SIPA1L1: variants seen among roughly 807,000 people sequenced by gnomAD.
The protein encoded by SIPA1L1 is signal induced proliferation associated 1 like 1, also known as signal-induced proliferation-associated 1-like protein 1.
SIPA1L1 carries 26 observed loss-of-function variants against 162.7 expected under a neutral mutation model. The ratio of observed to expected loss-of-function variants is 0.16; its 90% CI spans 0.12 to 0.22. SIPA1L1 has a LOEUF of 0.22. SIPA1L1 is among the 10% of genes least tolerant of loss of function. The pLI is 1.00. For synonymous variants in SIPA1L1, 829 were observed against 837.4 expected (o/e 0.99, Z 0.17); for missense variants, 1,874 against 2,241.0 (o/e 0.84, Z 3.31).
intron 17 of SIPA1L1, among the ~76,000 whole-genome samples, chr14:71,718,658 A>G (rs1411482342): frequency 6.6e-6 from 1 of 152,194 alleles, no homozygotes; most frequent in Non-Finnish European, 1.5e-5. Flanking sequence ...TCAAAAGCAA[A>G]AACAAAAATT....
chr14:71,500,195 G>A (rs1665613862), intron 2 of SIPA1L1, among the ~76,000 whole-genome samples: 2 of 151,952 alleles, frequency 1.3e-5, no homozygotes, highest in Non-Finnish European at 1.5e-5. Flanking sequence ...GAGCAAAAAG[G>A]CAAGTTACAG....
At chr14:71,403,121 A>G (rs1465437893) in intron 2 of SIPA1L1, among the ~76,000 whole-genome samples, 2 of 152,260 alleles carry the variant, frequency 1.3e-5, no homozygotes, top group East Asian at 1.9e-4. Flanking sequence ...ATCTGTCTCC[A>G]TTCTTCTTAA....
At chr14:71,566,244 G>A (rs1336143231) in intron 4 of SIPA1L1, among the ~76,000 whole-genome samples, 1 of 152,208 alleles carries the variant, frequency 6.6e-6, no homozygotes. Context: ...CAGAAGATAT[G>A]TAATGGCCTT....
intron 2 of SIPA1L1, among the ~76,000 whole-genome samples, chr14:71,462,295 G>A (rs2046662776): frequency 6.6e-6 from 1 of 152,192 alleles, no homozygotes; most frequent in Non-Finnish European, 1.5e-5. Context: ...GGGGCCTGCT[G>A]AGGGCTCCAA....
At chr14:71,402,142 G>A (rs540489165) in intron 2 of SIPA1L1, among the ~76,000 whole-genome samples, 1 of 151,892 alleles carries the variant, frequency 6.6e-6, no homozygotes, top group Non-Finnish European at 1.5e-5. Flanking sequence ...AAAAAAATAT[G>A]GCTAATAATT....
At chr14:71,591,023 A>G (rs1301142217) in intron 5 of SIPA1L1, among the ~76,000 whole-genome samples, 2 of 152,110 alleles carry the variant, frequency 1.3e-5, no homozygotes, top group African/African-American at 4.8e-5. Flanking sequence ...TACCTGTGCA[A>G]ATTTTCTGCA....
At chr14:71,672,888 T>G (rs1022215618) in intron 12 of SIPA1L1, among the ~76,000 whole-genome samples, 1 of 152,168 alleles carries the variant, frequency 6.6e-6, no homozygotes, top group African/African-American at 2.4e-5. Context: ...GATAGAGAAG[T>G]CTGGTAATAT....
chr14:71,591,086 G>A (rs2035326599), intron 5 of SIPA1L1, among the ~76,000 whole-genome samples: 2 of 152,078 alleles, frequency 1.3e-5, no homozygotes, highest in Admixed American at 1.3e-4. Flanking sequence ...ACCCAAAACT[G>A]ACACTGAAAC....
intron 3 of SIPA1L1, among the ~76,000 whole-genome samples, chr14:71,526,528 A>G (rs1437154602): frequency 6.6e-6 from 1 of 152,194 alleles, no homozygotes; most frequent in Non-Finnish European, 1.5e-5. Context: ...TGGTTCATTT[A>G]TATTCATTGC....
chr14:71,617,633 T>C (rs541897885), intron 5 of SIPA1L1, among the ~76,000 whole-genome samples: 28 of 152,372 alleles, frequency 1.8e-4, no homozygotes, highest in Admixed American at 5.2e-4. Flanking sequence ...TGATTCGATA[T>C]TTATGCTATT....
At chr14:71,635,053 G>A (rs1464973477) in intron 7 of SIPA1L1, among the ~76,000 whole-genome samples, 4 of 152,116 alleles carry the variant, frequency 2.6e-5, no homozygotes, top group Admixed American at 2.6e-4. Context: ...CGAGGCGGGT[G>A]GGTCACCTGA....
At chr14:71,455,720 T>A (rs952288033) in intron 2 of SIPA1L1, among the ~76,000 whole-genome samples, 4 of 152,140 alleles carry the variant, frequency 2.6e-5, no homozygotes, top group Admixed American at 6.5e-5. Flanking sequence ...TAAGGGTAAA[T>A]TGGTTTCTAC....
Position 71,588,657 on chromosome 14 carries a change from T to C in SIPA1L1, c.785T>C (p.Ile262Thr), listed in dbSNP as rs2034892876. ...GKGSGFSLDV[I>T]DGPISQRENL... Reference sequence around the variant, plus strand: ...GGTTCTGGTTTCTCTTTGGATGTAATAGACGGGCCTATCTCACAGAGAGAG... The same window carrying C: ...GGTTCTGGTTTCTCTTTGGATGTAACAGACGGGCCTATCTCACAGAGAGAG... Residue 262 changes from isoleucine (I) to threonine (T), a missense_variant, in exon 5 of 24, where the codon ATA (isoleucine) becomes ACA (threonine). Around this residue, in one of 5 missense-constraint regions of SIPA1L1, gnomAD observed 685 missense variants for 828.0 expected, o/e 0.83. Coordinates refer to ENST00000381232, the MANE Select transcript of SIPA1L1 (RefSeq NM_001386936.1). The surrounding 1 kb of genome is among the most constrained non-coding windows in gnomAD (Gnocchi z 4.3). 2 of 1,613,992 alleles carry C rather than the reference T, an allele frequency of 1.2e-6. No individual in the cohort carries two copies. The highest frequency in any genetic ancestry group is 8.5e-7 in the Non-Finnish European group (1 of 1,179,954).
At chr14:71,598,212 A>G in intron 5 of SIPA1L1, 1 of 985,450 alleles carries the variant, frequency 1.0e-6, no homozygotes, top group Non-Finnish European at 1.2e-6. Context: ...ACAAAACGCC[A>G]TCACAGAGAC....
At chr14:71,476,660 T>TATTTATTC (rs1276424441) in intron 2 of SIPA1L1, among the ~76,000 whole-genome samples, 1 of 105,750 alleles carries the variant, frequency 9.5e-6, no homozygotes, top group Admixed American at 9.5e-5. Context: ...TTTATTTATT[T>TATTTATTC]ATTTATTTAT....
At chr14:71,711,138 G>A (rs939894051) in intron 17 of SIPA1L1, among the ~76,000 whole-genome samples, 1 of 152,178 alleles carries the variant, frequency 6.6e-6, no homozygotes, top group Non-Finnish European at 1.5e-5. Context: ...GATAGGTCTG[G>A]AAACTCCATG....
chr14:71,624,390 A>G (rs2039757590), intron 7 of SIPA1L1, among the ~76,000 whole-genome samples, 154 bp downstream of exon 7: 1 of 152,114 alleles, frequency 6.6e-6, no homozygotes, highest in South Asian at 2.1e-4. Context: ...GTTTTTTCTT[A>G]ACTCTGAACT....
rs201849523 is a variant in SIPA1L1, at chr14:71,466,580, GAA to G, written c.-464-46148_-464-46147del. Among the ~76,000 whole-genome samples the G allele has an allele frequency of 1.2e-3, 142 of 118,124 alleles. No homozygotes were observed. The Middle Eastern group carries it at 0.014, about 12-fold the overall frequency. The allele number at this position is 118,124 out of a possible 152,430, so 77.5% of individuals were successfully genotyped here. On this transcript the variant is annotated intron_variant, in intron 2 of 23. Coordinates refer to ENST00000381232, the MANE Select transcript of SIPA1L1 (RefSeq NM_001386936.1). The stretch of plus-strand genomic sequence containing the variant: ...CAACAGGCATTAATAGAGCCATACT[GAA>G]AAAAAAAAAAAAAACAGTAATAAAA...
intron 2 of SIPA1L1, among the ~76,000 whole-genome samples, chr14:71,372,429 G>T (rs757225432): frequency 6.6e-6 from 1 of 152,070 alleles, no homozygotes; most frequent in Non-Finnish European, 1.5e-5. Flanking sequence ...TTTTTGAGAT[G>T]ACATTCCTCT....
Sources: allele counts gnomAD v4.1 joint callset (sites outside exome capture counted in the v4.1 genomes callset), GRCh38; gene constraint gnomAD v4.1.1; regional missense constraint gnomAD v4.1.1; non-coding constraint Gnocchi (gnomAD v3.1); transcripts MANE v1.5; gene names NCBI Gene and HGNC (gene_info 2026-07-23, HGNC 2026-07-21).